The following PIP5K1C variants were observed in gnomAD, a reference collection of about 807,000 sequenced individuals.
PIP5K1C encodes phosphatidylinositol-4-phosphate 5-kinase type 1 gamma, also known as phosphatidylinositol 4-phosphate 5-kinase type-1 gamma.
In PIP5K1C, 45 loss-of-function variants were observed where a neutral mutation model predicts 80.1. That is an observed-to-expected ratio of 0.56 (90% CI 0.44 to 0.72). The LOEUF (loss-of-function observed/expected upper bound fraction) is 0.72. Among genes scored for constraint, PIP5K1C ranks in the 30% least tolerant of loss-of-function variants. The pLI, the probability that PIP5K1C is intolerant of heterozygous loss-of-function variation, is 0.00. For synonymous variants in PIP5K1C, 498 were observed against 420.1 expected, an observed-to-expected ratio of 1.19 and a Z score of -2.27; for missense variants, 753 against 954.6, an observed-to-expected ratio of 0.79 and a Z score of 2.78.
At chr19:3,677,205 G>A (rs1250144121) in intron 1 of PIP5K1C, among the ~76,000 whole-genome samples, 1 of 152,236 alleles carries the variant, frequency 6.6e-6, no homozygotes, top group African/African-American at 2.4e-5. Context: ...GTGTGGCTGT[G>A]AGAGCCGCCA....
At chr19:3,650,206 C>T (rs2034385785) in intron 8 of PIP5K1C, among the ~76,000 whole-genome samples, 1 of 152,270 alleles carries the variant, frequency 6.6e-6, no homozygotes, top group Admixed American at 6.5e-5. Flanking sequence ...AGCACCGTCC[C>T]TGGGGCCAGG....
intron 1 of PIP5K1C, among the ~76,000 whole-genome samples, chr19:3,684,953 G>T (rs1455120182): frequency 2.6e-5 from 4 of 152,200 alleles, no homozygotes; most frequent in Non-Finnish European, 4.4e-5. Context: ...GTGTGGGATG[G>T]GGGAGGGTCT....
intron 5 of PIP5K1C, among the ~76,000 whole-genome samples, chr19:3,658,648 C>A (rs1423273381): frequency 6.6e-6 from 1 of 152,248 alleles, no homozygotes; most frequent in Non-Finnish European, 1.5e-5. Flanking sequence ...ACACCCCAAG[C>A]AGCCGGAGTG....
chr19:3,693,498 C>T (rs535445898), intron 1 of PIP5K1C, among the ~76,000 whole-genome samples: 3 of 152,336 alleles, frequency 2.0e-5, no homozygotes, highest in East Asian at 3.9e-4. Context: ...GTCCAGCTGG[C>T]GCCTGCTGGC....
chr19:3,684,157 G>C (rs1028791620), intron 1 of PIP5K1C, among the ~76,000 whole-genome samples: 3 of 152,150 alleles, frequency 2.0e-5, no homozygotes, highest in Non-Finnish European at 2.9e-5. Flanking sequence ...TCAAAATAAA[G>C]ACGGAACGAT....
chr19:3,636,363 A>G (rs1047461060), intron 16 of PIP5K1C: 187 of 984,638 alleles, frequency 1.9e-4, no homozygotes, highest in Non-Finnish European at 2.2e-4. Context: ...GGTGCTTTCA[A>G]TGGCTGCCCT....
chr19:3,671,675 G>A (rs751996028), intron 1 of PIP5K1C, among the ~76,000 whole-genome samples: 9 of 152,216 alleles, frequency 5.9e-5, no homozygotes, highest in Non-Finnish European at 1.0e-4. Flanking sequence ...AGCAAGGGGA[G>A]ACCAGAGCCG....
At chr19:3,677,984 A>G in intron 1 of PIP5K1C, among the ~76,000 whole-genome samples, 1 of 94,156 alleles carries the variant, frequency 1.1e-5, no homozygotes, top group African/African-American at 4.5e-5. Context: ...GAATAGAGGG[A>G]AGGAGGATGG....
intron 1 of PIP5K1C, among the ~76,000 whole-genome samples, chr19:3,693,691 C>T (rs1021482858): frequency 2.0e-5 from 3 of 149,188 alleles, no homozygotes; most frequent in Non-Finnish European, 3.0e-5. Flanking sequence ...AGACCCAGGT[C>T]GTGCAGCTTC....
At chr19:3,659,370 G>A (rs181989693) in intron 5 of PIP5K1C, among the ~76,000 whole-genome samples, 40 of 152,370 alleles carry the variant, frequency 2.6e-4, no homozygotes, top group Middle Eastern at 3.4e-3. Flanking sequence ...CCCAGATGCT[G>A]TGGGTGCACA....
At chr19:3,653,189 C>T in intron 7 of PIP5K1C, 101 bp downstream of exon 7, 1 of 1,099,730 alleles carries the variant, frequency 9.1e-7, no homozygotes, top group East Asian at 2.5e-5. Flanking sequence ...GGCAGGTGGG[C>T]CTCGGCCTGG....
intron 1 of PIP5K1C, among the ~76,000 whole-genome samples, chr19:3,686,257 T>A (rs1164917407): frequency 6.6e-6 from 1 of 151,408 alleles, no homozygotes; most frequent in East Asian, 2.0e-4. Flanking sequence ...TCCTCCCAAA[T>A]ACAAATACAA....
intron 10 of PIP5K1C, among the ~76,000 whole-genome samples, chr19:3,646,866 C>T (rs574955128): frequency 4.3e-4 from 65 of 151,746 alleles, no homozygotes; most frequent in African/African-American, 1.5e-3. Context: ...TGTGGAGTGA[C>T]GGATGGGAGG....
intron 1 of PIP5K1C, among the ~76,000 whole-genome samples, chr19:3,674,692 G>A (rs532535304): frequency 6.6e-6 from 1 of 152,288 alleles, no homozygotes; most frequent in East Asian, 1.9e-4. Context: ...TAGTAGAGAT[G>A]GGGTTTCACC....
chr19:3,641,140 G>A (rs1383109368), intron 15 of PIP5K1C, among the ~76,000 whole-genome samples: 1 of 151,880 alleles, frequency 6.6e-6, no homozygotes, highest in Admixed American at 6.6e-5. Context: ...ACTTGAACCT[G>A]GGAGACGGAG....
intron 1 of PIP5K1C, among the ~76,000 whole-genome samples, chr19:3,683,030 C>T: frequency 1.3e-5 from 2 of 151,572 alleles, no homozygotes; most frequent in Non-Finnish European, 2.9e-5. Context: ...GGCCTCCGCA[C>T]AGGCTGCGCC....
chr19:3,657,251 T>G (rs2034663642), intron 5 of PIP5K1C, among the ~76,000 whole-genome samples: 2 of 152,150 alleles, frequency 1.3e-5, no homozygotes, highest in Admixed American at 1.3e-4. Context: ...CTCCTGGACA[T>G]TAGGCAGAAG....
intron 2 of PIP5K1C, among the ~76,000 whole-genome samples, chr19:3,666,601 G>A (rs1440450334): frequency 1.3e-5 from 2 of 149,922 alleles, no homozygotes; most frequent in Non-Finnish European, 3.0e-5. Context: ...AGGCAAACAC[G>A]TGCACACACG....
intron 16 of PIP5K1C, 89 bp from the exon 17 acceptor site, chr19:3,633,609 A>G: frequency 1.2e-6 from 1 of 867,196 alleles, no homozygotes; most frequent in Non-Finnish European, 1.6e-6. Flanking sequence ...AAGAGACAGG[A>G]GAACATAAAA....
Sources: allele counts gnomAD v4.1 joint callset (sites outside exome capture counted in the v4.1 genomes callset), GRCh38; gene constraint gnomAD v4.1.1; transcripts MANE v1.5; gene names NCBI Gene and HGNC (gene_info 2026-07-23, HGNC 2026-07-21).